The following DCC variants were observed in gnomAD, a reference collection of about 807,000 sequenced individuals.
DCC encodes the protein DCC netrin 1 receptor.
A neutral mutation model predicts 172.5 loss-of-function variants in DCC; 58 were observed. That is an observed-to-expected ratio of 0.34 (90% CI 0.27 to 0.42). The LOEUF is 0.42. Among genes scored for constraint, DCC ranks in the 10% least tolerant of loss-of-function variants. The probability of loss-of-function intolerance (pLI) is 1.00; values close to 1 mark genes in which losing one functional copy is unlikely to be tolerated. For missense variants in DCC, 1,740 were observed against 1,791.0 expected (o/e 0.97, Z 0.51); for synonymous variants, 709 against 644.5 (o/e 1.10, Z -1.52).
chr18:53,340,056 A>ACACACACACT (rs958654817), intron 15 of DCC, 149 bp downstream of exon 15: 1 of 497,574 alleles, frequency 2.0e-6, no homozygotes, highest in Non-Finnish European at 3.5e-6. Context: ...CTACACACAC[A>ACACACACACT]CACACACACA....
In DCC at chr18:52,852,794, G is replaced by A. The variant is rs137897449; in HGVS notation, c.413-53250G>A. Among the ~76,000 whole-genome samples the A allele has an allele frequency of 5.0e-3, 766 of 152,222 alleles. 4 individuals carry two copies. Among genetic ancestry groups the A allele is most frequent in the Non-Finnish European group, 9.0e-3 (614 of 67,988 alleles). On this transcript the variant is annotated intron_variant, in intron 2 of 28. Coordinates refer to ENST00000442544, the MANE Select transcript of DCC (RefSeq NM_005215.4). ...GGCATATGAACATTCAGATAATATG[G>A]ATGATAGTTGCCATTGTTGAAAAAT...
chr18:52,810,850 C>T (rs1050557060), intron 2 of DCC, among the ~76,000 whole-genome samples: 1 of 152,180 alleles, frequency 6.6e-6, no homozygotes, highest in Non-Finnish European at 1.5e-5. Context: ...AAACTGTCTT[C>T]AGCTCGGAGG....
At chr18:53,084,183 G>A (rs747003971) in intron 7 of DCC, among the ~76,000 whole-genome samples, 8 of 152,144 alleles carry the variant, frequency 5.3e-5, no homozygotes, top group Admixed American at 3.9e-4. Context: ...GTGGCTCAGG[G>A]CATCACATGG....
chr18:52,923,327 A>G (rs1053860552), intron 3 of DCC, among the ~76,000 whole-genome samples: 12 of 152,196 alleles, frequency 7.9e-5, no homozygotes, highest in African/African-American at 2.9e-4. Context: ...AACAATGTAG[A>G]AGAAAGTAGA....
intron 1 of DCC, among the ~76,000 whole-genome samples, chr18:52,520,849 G>A (rs2031790252): frequency 1.3e-5 from 2 of 151,958 alleles, no homozygotes; most frequent in South Asian, 4.1e-4. Flanking sequence ...TGCTGCTTTA[G>A]TTAGTGTTCT....
chr18:52,944,454 A>C (rs1950283290), intron 5 of DCC, among the ~76,000 whole-genome samples: 1 of 152,210 alleles, frequency 6.6e-6, no homozygotes, highest in Admixed American at 6.5e-5. Flanking sequence ...GCCTAAAGGC[A>C]CAATATTTGT....
At chr18:52,843,721 A>G (rs2038842358) in intron 2 of DCC, among the ~76,000 whole-genome samples, 2 of 152,150 alleles carry the variant, frequency 1.3e-5, no homozygotes. Flanking sequence ...TTAAAACCCC[A>G]CTAACAATTA....
chr18:52,864,868 T>C (rs2039196941), intron 2 of DCC, among the ~76,000 whole-genome samples: 1 of 152,030 alleles, frequency 6.6e-6, no homozygotes, highest in South Asian at 2.1e-4. Context: ...CATCCTTTTT[T>C]TATTTTATTT....
At chr18:52,467,286 A>G (rs372617347) in intron 1 of DCC, among the ~76,000 whole-genome samples, 1 of 151,784 alleles carries the variant, frequency 6.6e-6, no homozygotes, top group Non-Finnish European at 1.5e-5. Context: ...TATGAGTGAG[A>G]ACATGTGGTG....
At chr18:53,294,778 C>T (rs567908284) in intron 12 of DCC, among the ~76,000 whole-genome samples, 9 of 152,228 alleles carry the variant, frequency 5.9e-5, no homozygotes, top group African/African-American at 1.9e-4. Flanking sequence ...GGTTGGCTTA[C>T]GTTTTTACAT....
chr18:52,798,366 T>C (rs1336893036), intron 2 of DCC, among the ~76,000 whole-genome samples: 1 of 152,176 alleles, frequency 6.6e-6, no homozygotes, highest in African/African-American at 2.4e-5. Flanking sequence ...AGGAAGTTTC[T>C]TTTCTTTTTA....
At chr18:52,716,251 A>C (rs2036381918) in intron 1 of DCC, among the ~76,000 whole-genome samples, 1 of 152,226 alleles carries the variant, frequency 6.6e-6, no homozygotes. Flanking sequence ...TGGAACAAGT[A>C]ATCTGGCACG....
intron 2 of DCC, among the ~76,000 whole-genome samples, chr18:52,814,755 G>A (rs1161374458): frequency 6.6e-6 from 1 of 152,094 alleles, no homozygotes; most frequent in Non-Finnish European, 1.5e-5. Flanking sequence ...GTTATGATGG[G>A]AAATGCATAG....
intron 5 of DCC, among the ~76,000 whole-genome samples, chr18:52,967,637 T>C (rs1178885260): frequency 1.3e-5 from 2 of 152,224 alleles, no homozygotes; most frequent in African/African-American, 4.8e-5. Context: ...CTATACTTTC[T>C]TCTAGATTTA....
At chr18:53,006,523 CT>C (rs1189654481) in intron 5 of DCC, among the ~76,000 whole-genome samples, 2 of 152,098 alleles carry the variant, frequency 1.3e-5, no homozygotes, top group Non-Finnish European at 2.9e-5. Context: ...AAAATGTAAA[CT>C]TGGGGTAAAT....
chr18:52,396,978 A>G (rs975047747), intron 1 of DCC, among the ~76,000 whole-genome samples: 1 of 152,068 alleles, frequency 6.6e-6, no homozygotes, highest in African/African-American at 2.4e-5. Context: ...AATGCTTTCC[A>G]GACTGAATAT....
intron 1 of DCC, among the ~76,000 whole-genome samples, chr18:52,524,954 C>A (rs1267291834): frequency 6.6e-6 from 1 of 151,940 alleles, no homozygotes; most frequent in Non-Finnish European, 1.5e-5. Flanking sequence ...GATTTTAAAT[C>A]TTGGTTCTCT....
At chr18:53,136,384 A>G (rs1420034078) in intron 7 of DCC, among the ~76,000 whole-genome samples, 1 of 152,196 alleles carries the variant, frequency 6.6e-6, no homozygotes, top group Non-Finnish European at 1.5e-5. Flanking sequence ...CATGCTAACA[A>G]TTTTGGTTAC....
chr18:52,392,449 T>G (rs540720498), intron 1 of DCC, among the ~76,000 whole-genome samples: 1 of 152,224 alleles, frequency 6.6e-6, no homozygotes, highest in East Asian at 1.9e-4. Flanking sequence ...TATAGTGAAG[T>G]CTTCTAATGG....
Sources: allele counts gnomAD v4.1 joint callset (sites outside exome capture counted in the v4.1 genomes callset), GRCh38; gene constraint gnomAD v4.1.1; transcripts MANE v1.5; gene names NCBI Gene and HGNC (gene_info 2026-07-23, HGNC 2026-07-21).